HEMK2: variants seen among roughly 807,000 people sequenced by gnomAD.
HEMK2 encodes methyltransferase HEMK2.
the HEMK2 span, among the ~76,000 whole-genome samples, chr21:28,787,980 T>C: frequency 6.6e-6 from 1 of 151,752 alleles, no homozygotes; most frequent in Non-Finnish European, 1.5e-5. Flanking sequence ...AATCAATGAG[T>C]GGATAAAGAA....
At chr21:28,663,322 T>C in the HEMK2 span, among the ~76,000 whole-genome samples, 1 of 152,188 alleles carries the variant, frequency 6.6e-6, no homozygotes, top group Non-Finnish European at 1.5e-5. Flanking sequence ...AGTGCGGTAA[T>C]GTGAGCCCAG....
the HEMK2 span, among the ~76,000 whole-genome samples, chr21:28,648,813 T>C: frequency 1.3e-5 from 2 of 152,166 alleles, no homozygotes; most frequent in Non-Finnish European, 2.9e-5. Context: ...ACTTTAAGTT[T>C]TAGGGTACAT....
chr21:28,691,506 T>C, the HEMK2 span, among the ~76,000 whole-genome samples: 2 of 152,300 alleles, frequency 1.3e-5, no homozygotes, highest in East Asian at 1.9e-4. Context: ...TGATGGTCTC[T>C]GGTGGGTTCC....
the HEMK2 span, among the ~76,000 whole-genome samples, chr21:28,777,273 C>T: frequency 6.6e-6 from 1 of 152,158 alleles, no homozygotes; most frequent in African/African-American, 2.4e-5. Context: ...TGTCATGTGA[C>T]CTCTTTACAG....
At chr21:28,797,525 G>A in the HEMK2 span, among the ~76,000 whole-genome samples, 1 of 152,104 alleles carries the variant, frequency 6.6e-6, no homozygotes, top group African/African-American at 2.4e-5. Context: ...TGAGGTGGGA[G>A]AATCGCTTGA....
the HEMK2 span, among the ~76,000 whole-genome samples, chr21:28,870,759 G>A: frequency 2.0e-5 from 3 of 152,056 alleles, no homozygotes; most frequent in Admixed American, 1.3e-4. Flanking sequence ...GTAAATGTAT[G>A]GGGACTTTAA....
chr21:28,693,590 C>T, the HEMK2 span, among the ~76,000 whole-genome samples: 1 of 152,278 alleles, frequency 6.6e-6, no homozygotes, highest in South Asian at 2.1e-4. Flanking sequence ...AAATGACACC[C>T]GTTAAGCATG....
chr21:28,692,642 A>G, the HEMK2 span, among the ~76,000 whole-genome samples: 30 of 152,132 alleles, frequency 2.0e-4, no homozygotes, highest in African/African-American at 6.3e-4. Flanking sequence ...TTTAAATATT[A>G]GTATTTTCAT....
At chr21:28,605,811 C>T in the HEMK2 span, among the ~76,000 whole-genome samples, 1 of 152,012 alleles carries the variant, frequency 6.6e-6, no homozygotes, top group Admixed American at 6.6e-5. Context: ...ATTTAATATA[C>T]TTTATTAGTA....
chr21:28,588,936 T>C, the HEMK2 span, among the ~76,000 whole-genome samples: 2 of 142,620 alleles, frequency 1.4e-5, no homozygotes, highest in African/African-American at 2.7e-5. Flanking sequence ...TGAGCAGATA[T>C]CACGCCACTG....
At chr21:28,816,347 T>A in the HEMK2 span, among the ~76,000 whole-genome samples, 1 of 152,166 alleles carries the variant, frequency 6.6e-6, no homozygotes, top group African/African-American at 2.4e-5. Context: ...AAGATCTATA[T>A]CCCAGGGAAA....
At chr21:28,726,218 C>T in the HEMK2 span, among the ~76,000 whole-genome samples, 7 of 152,044 alleles carry the variant, frequency 4.6e-5, no homozygotes, top group East Asian at 1.4e-3. Flanking sequence ...TATATAGGTT[C>T]AAATGTATAT....
chr21:28,824,009 A>AT, the HEMK2 span, among the ~76,000 whole-genome samples: 11 of 152,144 alleles, frequency 7.2e-5, no homozygotes, highest in African/African-American at 2.7e-4. Context: ...CTAAATTTGC[A>AT]TTTTTTTATA....
chr21:28,814,803 C>T, the HEMK2 span, among the ~76,000 whole-genome samples: 1 of 100,176 alleles, frequency 1.0e-5, no homozygotes. Flanking sequence ...CTAGTTCAAC[C>T]ATGTGGAAGT....
At chr21:28,862,912 G>A in the HEMK2 span, among the ~76,000 whole-genome samples, 2 of 152,116 alleles carry the variant, frequency 1.3e-5, no homozygotes, top group Non-Finnish European at 2.9e-5. Flanking sequence ...GTTGTACGAA[G>A]GATAGTTGAA....
At chr21:28,785,786 G>A in the HEMK2 span, among the ~76,000 whole-genome samples, 1 of 152,094 alleles carries the variant, frequency 6.6e-6, no homozygotes, top group Non-Finnish European at 1.5e-5. Context: ...CCACCCTCCT[G>A]AGCCCAGCCT....
At chr21:28,869,942 T>C in the HEMK2 span, among the ~76,000 whole-genome samples, 1 of 152,318 alleles carries the variant, frequency 6.6e-6, no homozygotes, top group Non-Finnish European at 1.5e-5. Context: ...ACTGGAACAC[T>C]GCCAGTCCCT....
chr21:28,592,668 C>T, the HEMK2 span, among the ~76,000 whole-genome samples: 6 of 152,156 alleles, frequency 3.9e-5, no homozygotes, highest in Admixed American at 1.3e-4. Flanking sequence ...TCAAATGCTT[C>T]TGATGTTTCT....
At chr21:28,774,715 C>A in the HEMK2 span, among the ~76,000 whole-genome samples, 1 of 152,176 alleles carries the variant, frequency 6.6e-6, no homozygotes, top group African/African-American at 2.4e-5. Context: ...CTCATAAAAA[C>A]CCTACCAAGG....
Sources: allele counts gnomAD v4.1 joint callset (sites outside exome capture counted in the v4.1 genomes callset), GRCh38; gene constraint gnomAD v4.1.1; transcripts MANE v1.5; gene names NCBI Gene and HGNC (gene_info 2026-07-23, HGNC 2026-07-21).